INSR: variants seen among roughly 807,000 people sequenced by gnomAD.
INSR encodes IR.
In INSR, 67 loss-of-function variants were observed where a neutral mutation model predicts 142.6. The ratio of observed to expected loss-of-function variants is 0.47; its 90% CI spans 0.39 to 0.58. INSR has a LOEUF of 0.58. Among genes scored for constraint, INSR ranks in the 20% least tolerant of loss-of-function variants. INSR has a pLI of 0.00. For synonymous variants in INSR, 756 were observed against 743.1 expected (o/e 1.02, Z -0.28); for missense variants, 1,248 against 1,833.2 (o/e 0.68, Z 5.83).
intron 8 of INSR, among the ~76,000 whole-genome samples, chr19:7,163,925 T>TG (rs1555742957): frequency 2.2e-5 from 1 of 44,588 alleles, no homozygotes; most frequent in Non-Finnish European, 3.7e-5. Context: ...CTATCTCTAC[T>TG]AAAAAAAAAA....
chr19:7,268,508 C>T (rs1408932619), intron 1 of INSR: 5 of 985,342 alleles, frequency 5.1e-6, no homozygotes, highest in South Asian at 4.7e-5. Flanking sequence ...CAGGCCCCAA[C>T]GCCCACCATG....
chr19:7,246,991 T>G (rs1976557414), intron 2 of INSR, among the ~76,000 whole-genome samples: 1 of 124,096 alleles, frequency 8.1e-6, no homozygotes, highest in African/African-American at 5.5e-5. Flanking sequence ...TGATACAAGC[T>G]CCATGATTAA....
At chr19:7,224,491 G>A (rs1975718229) in intron 2 of INSR, among the ~76,000 whole-genome samples, 1 of 152,138 alleles carries the variant, frequency 6.6e-6, no homozygotes, top group Non-Finnish European at 1.5e-5. Flanking sequence ...AGGGTGTGTG[G>A]CCGAGCTTTC....
intron 1 of INSR, among the ~76,000 whole-genome samples, chr19:7,269,684 C>A (rs1050276734): frequency 6.6e-6 from 1 of 151,638 alleles, no homozygotes; most frequent in African/African-American, 2.4e-5. Flanking sequence ...TCAAAGAACC[C>A]CGCGTGCCAT....
At chr19:7,237,685 G>A (rs1016601376) in intron 2 of INSR, among the ~76,000 whole-genome samples, 10 of 151,186 alleles carry the variant, frequency 6.6e-5, no homozygotes, top group South Asian at 4.2e-4. Context: ...GCATGGTGGC[G>A]GGTGCCTGTA....
In INSR at chr19:7,257,219, C is replaced by A. The variant is rs185546305; in HGVS notation, c.652+10126G>T. On this transcript the variant is annotated intron_variant, in intron 2 of 21. Transcript: ENST00000302850. ...TTGGCTTCCCAAAGTGCTGGGATTA[C>A]AGGCCTGAGCCACCGTGCCCGGCCT... 5.5e-4 allele frequency among the ~76,000 whole-genome samples: 83 copies of A among 152,250 alleles called. 1 individual carries two copies. The highest frequency in any genetic ancestry group is 1.9e-3 in the African/African-American group (81 of 41,552).
intron 1 of INSR, among the ~76,000 whole-genome samples, chr19:7,270,339 T>A (rs57961075): frequency 0.46 from 54,649 of 119,990 alleles, 12,645 homozygotes; most frequent in Non-Finnish European, 0.48. Flanking sequence ...TCTCTCTCTC[T>A]CACACACACA....
chr19:7,241,857 T>C (rs1295022208), intron 2 of INSR, among the ~76,000 whole-genome samples: 1 of 1,050 alleles, frequency 9.5e-4, no homozygotes, highest in Admixed American at 0.02. Context: ...CCTAAACTCA[T>C]TAAATTTAAA....
intron 3 of INSR, among the ~76,000 whole-genome samples, chr19:7,180,399 G>A (rs1974242637): frequency 6.6e-6 from 1 of 151,870 alleles, no homozygotes; most frequent in African/African-American, 2.4e-5. Context: ...GTGGTGGTGT[G>A]TGCCTATATA....
chr19:7,143,469 A>C (rs1973122120), intron 11 of INSR, among the ~76,000 whole-genome samples: 1 of 152,254 alleles, frequency 6.6e-6, no homozygotes. Flanking sequence ...CTAGCTTTTC[A>C]GGAAGCCCTG....
intron 13 of INSR, 73 bp from the exon 14 acceptor site, chr19:7,132,390 A>G (rs952115908): frequency 1.3e-6 from 2 of 1,527,606 alleles, no homozygotes; most frequent in African/African-American, 2.7e-5. Context: ...CCTCGCAGGG[A>G]GCTCACAGCC....
chr19:7,201,516 T>G (rs1974952100), intron 2 of INSR, among the ~76,000 whole-genome samples: 2 of 151,144 alleles, frequency 1.3e-5, no homozygotes, highest in Admixed American at 1.3e-4. Flanking sequence ...TCCCAGCTAC[T>G]CGGGAGGCTG....
intron 13 of INSR, among the ~76,000 whole-genome samples, chr19:7,137,953 CTTTT>C (rs201984613): frequency 0.012 from 1,796 of 149,116 alleles, 41 homozygotes; most frequent in African/African-American, 0.042. Context: ...CCTTTTTCTT[CTTTT>C]TTCTTTTTCT....
chr19:7,183,916 G>A (rs1433428323), intron 3 of INSR, among the ~76,000 whole-genome samples: 1 of 151,734 alleles, frequency 6.6e-6, no homozygotes. Flanking sequence ...AAAATTAGCC[G>A]GGCATGGTGG....
At chr19:7,246,650 A>C (rs2396185) in intron 2 of INSR, among the ~76,000 whole-genome samples, 42,130 of 152,124 alleles carry the variant, frequency 0.28, 7,389 homozygotes, top group African/African-American at 0.5. Context: ...TTAGCTGATA[A>C]AAGTTCCATG....
intron 15 of INSR, among the ~76,000 whole-genome samples, chr19:7,127,857 C>A (rs1164239327): frequency 1.3e-5 from 2 of 151,952 alleles, no homozygotes; most frequent in Non-Finnish European, 2.9e-5. Context: ...GATTCTCCTG[C>A]CTCAGCCTCC....
chr19:7,140,773 C>CTTTTTTTTTTTTTTTT (rs34805383), intron 13 of INSR, among the ~76,000 whole-genome samples: 1 of 139,482 alleles, frequency 7.2e-6, no homozygotes, highest in African/African-American at 2.6e-5. Flanking sequence ...ATTAACGGCC[C>CTTTTTTTTTTTTTTTT]TTTTTTTTTT....
chr19:7,120,605 C>T lies in INSR; in HGVS notation c.3659+15G>A. 1 of 1,613,962 alleles carries T rather than the reference C, an allele frequency of 6.2e-7. No individual in the cohort carries two copies. The highest frequency in any genetic ancestry group is 1.1e-5 in the South Asian group (1 of 91,080). On this transcript the variant is annotated intron_variant, in intron 20 of 21. Coordinates refer to ENST00000302850, the MANE Select transcript of INSR (RefSeq NM_000208.4). ...TCAAGCCCAGCGTCCATCCACCCAT[C>T]CACACACAACTCACCACATGTCAGA...
intron 2 of INSR, among the ~76,000 whole-genome samples, chr19:7,186,832 G>A (rs4550582): frequency 0.53 from 80,200 of 151,528 alleles, 23,136 homozygotes; most frequent in Non-Finnish European, 0.62. Context: ...AGCCTCCAGA[G>A]TAGCTGGGAT....
Sources: allele counts gnomAD v4.1 joint callset (sites outside exome capture counted in the v4.1 genomes callset), GRCh38; gene constraint gnomAD v4.1.1; transcripts MANE v1.5; gene names NCBI Gene and HGNC (gene_info 2026-07-23, HGNC 2026-07-21).